NAALADL2: variants seen among roughly 807,000 people sequenced by gnomAD.
NAALADL2 encodes N-acetylated alpha-linked acidic dipeptidase like 2.
In NAALADL2, 76 loss-of-function variants were observed where a neutral mutation model predicts 87.2. The ratio of observed to expected loss-of-function variants is 0.87; its 90% CI spans 0.72 to 1.05. NAALADL2 has a LOEUF of 1.05. NAALADL2 is among the 50% of genes least tolerant of loss of function. The pLI, the probability that NAALADL2 is intolerant of heterozygous loss-of-function variation, is 0.00. For missense variants in NAALADL2, 1,089 were observed against 945.8 expected, an observed-to-expected ratio of 1.15 and a Z score of -1.99; for synonymous variants, 354 against 331.0, an observed-to-expected ratio of 1.07 and a Z score of -0.75.
At chr3:174,598,507 G>A (rs181947269) in intron 2 of NAALADL2, among the ~76,000 whole-genome samples, 13 of 152,194 alleles carry the variant, frequency 8.5e-5, no homozygotes, top group Non-Finnish European at 2.9e-5. Context: ...TTATTTCTTG[G>A]TATCAGACAC....
chr3:175,800,467 T>C (rs1366671708), intron 13 of NAALADL2, among the ~76,000 whole-genome samples: 2 of 151,730 alleles, frequency 1.3e-5, no homozygotes, highest in Non-Finnish European at 2.9e-5. Context: ...ATAAAGGATA[T>C]TGGACTATTA....
Position 175,736,130 on chromosome 3 carries a change from A to G in NAALADL2, c.1897-1176A>G, listed in dbSNP as rs1246957670. Among the ~76,000 whole-genome samples the G allele has an allele frequency of 7.9e-5, 12 of 152,152 alleles. 1 individual carries two copies. Among genetic ancestry groups the G allele is most frequent in the Admixed American group, 7.9e-4 (12 of 15,276 alleles). ...TTGCTGCCAGCCCTAAGGTCCTTTGAGATGTGTATGAATGCATATGACTTG... is the reference window on the plus strand; with the variant it reads ...TTGCTGCCAGCCCTAAGGTCCTTTGGGATGTGTATGAATGCATATGACTTG... On this transcript the variant is annotated intron_variant, in intron 11 of 13. Transcript: ENST00000454872.
At chr3:174,770,008 A>G (rs1578856720) in intron 3 of NAALADL2, among the ~76,000 whole-genome samples, 1 of 152,144 alleles carries the variant, frequency 6.6e-6, no homozygotes, top group East Asian at 1.9e-4. Context: ...CATCTTTAGA[A>G]ATTGCATATC....
intron 5 of NAALADL2, among the ~76,000 whole-genome samples, chr3:175,395,378 G>T (rs563472175): frequency 2.0e-5 from 3 of 152,246 alleles, no homozygotes; most frequent in Admixed American, 1.3e-4. Context: ...GATAAGGGGA[G>T]CCCACTGTTA....
chr3:175,253,636 T>C (rs1213277940), intron 3 of NAALADL2, among the ~76,000 whole-genome samples: 1 of 152,184 alleles, frequency 6.6e-6, no homozygotes, highest in Non-Finnish European at 1.5e-5. Context: ...ATTCCACTGA[T>C]AAATCTGAGA....
At chr3:175,033,811 C>T (rs1228480646) in intron 1 of NAALADL2, among the ~76,000 whole-genome samples, 1 of 152,102 alleles carries the variant, frequency 6.6e-6, no homozygotes, top group Non-Finnish European at 1.5e-5. Context: ...TGTGAAGCGC[C>T]ATCTTGAATT....
chr3:175,552,667 T>C (rs530451475), intron 9 of NAALADL2, among the ~76,000 whole-genome samples: 2 of 152,278 alleles, frequency 1.3e-5, no homozygotes, highest in South Asian at 2.1e-4. Flanking sequence ...CATAACAAGA[T>C]GTGAAGCATG....
chr3:175,191,317 A>G (rs2109058348), intron 2 of NAALADL2, among the ~76,000 whole-genome samples: 1 of 152,332 alleles, frequency 6.6e-6, no homozygotes, highest in Non-Finnish European at 1.5e-5. Flanking sequence ...AGGCAATAAA[A>G]ACTGAATATA....
intron 11 of NAALADL2, among the ~76,000 whole-genome samples, chr3:175,631,634 A>G (rs1168905915): frequency 6.6e-6 from 1 of 151,960 alleles, no homozygotes; most frequent in East Asian, 1.9e-4. Context: ...ATGCTGCATC[A>G]GTGTTGAAGA....
intron 2 of NAALADL2, among the ~76,000 whole-genome samples, chr3:175,135,509 T>C (rs1307286755): frequency 6.6e-6 from 1 of 152,170 alleles, no homozygotes; most frequent in African/African-American, 2.4e-5. Flanking sequence ...TTTGCTGGCT[T>C]ATGAAGATTT....
chr3:174,697,680 C>T (rs1231207935), intron 2 of NAALADL2, among the ~76,000 whole-genome samples: 1 of 152,084 alleles, frequency 6.6e-6, no homozygotes, highest in Non-Finnish European at 1.5e-5. Context: ...CCCTTAAATA[C>T]AATGCATCAT....
intron 2 of NAALADL2, among the ~76,000 whole-genome samples, chr3:175,116,040 C>T (rs1229312016): frequency 6.6e-6 from 1 of 151,810 alleles, no homozygotes; most frequent in Non-Finnish European, 1.5e-5. Context: ...CAACAGCCTT[C>T]ATGCAAAAAA....
intron 4 of NAALADL2, among the ~76,000 whole-genome samples, chr3:175,281,005 T>A (rs1006782903): frequency 7.2e-5 from 11 of 151,916 alleles, no homozygotes; most frequent in African/African-American, 2.7e-4. Context: ...GAATCTGCAT[T>A]TTAATAAGTT....
chr3:175,657,902 A>G (rs1304179256), intron 11 of NAALADL2, among the ~76,000 whole-genome samples: 2 of 151,984 alleles, frequency 1.3e-5, no homozygotes, highest in Non-Finnish European at 2.9e-5. Flanking sequence ...AATTAGCACT[A>G]TAGAATTTTC....
intron 1 of NAALADL2, among the ~76,000 whole-genome samples, chr3:174,538,703 A>G (rs1461990714): frequency 6.6e-6 from 1 of 152,092 alleles, no homozygotes; most frequent in African/African-American, 2.4e-5. Context: ...CTGCATAATA[A>G]AAACCTTGGT....
intron 5 of NAALADL2, among the ~76,000 whole-genome samples, chr3:175,382,317 T>C (rs755486693): frequency 2.0e-5 from 3 of 152,170 alleles, no homozygotes; most frequent in Non-Finnish European, 4.4e-5. Flanking sequence ...ACATGCCTGG[T>C]GGTCTGAGGC....
At chr3:174,836,844 C>G (rs77881751) in intron 3 of NAALADL2, among the ~76,000 whole-genome samples, 2,976 of 150,806 alleles carry the variant, frequency 0.02, 103 homozygotes, top group African/African-American at 0.069. Context: ...TTCTGACACA[C>G]AAAATTTAGC....
intron 11 of NAALADL2, among the ~76,000 whole-genome samples, chr3:175,645,504 G>A (rs73881332): frequency 0.01 from 1,541 of 152,174 alleles, 25 homozygotes; most frequent in African/African-American, 0.035. Flanking sequence ...AGTCTGGGAC[G>A]TCTGGAAAAT....
chr3:175,355,022 A>G (rs201520843), intron 5 of NAALADL2, among the ~76,000 whole-genome samples: 1,892 of 139,356 alleles, frequency 0.014, 42 homozygotes, highest in African/African-American at 0.048. Flanking sequence ...CTATATATAT[A>G]TGTGTGTGTG....
Sources: gnomAD v4.1 joint callset for allele counts (sites outside exome capture counted in the v4.1 genomes callset) on GRCh38, gnomAD v4.1.1 for gene constraint, MANE v1.5 for transcripts, NCBI Gene and HGNC (gene_info 2026-07-23, HGNC 2026-07-21) for gene names.